SMIM43: variants seen among roughly 807,000 people sequenced by gnomAD.
SMIM43 encodes small integral membrane protein 43.
chr4:121,764,370 C>T (rs370384968), intron 1 of SMIM43: 1 of 152,232 alleles, frequency 6.6e-6, no homozygotes, highest in East Asian at 1.9e-4. Context: ...TCTCTCAAAG[C>T]GCAAAAATAT....
intron 5 of SMIM43, among the ~76,000 whole-genome samples, chr4:121,760,804 C>T (rs917249627): frequency 6.6e-6 from 1 of 152,194 alleles, no homozygotes; most frequent in African/African-American, 2.4e-5. Context: ...ATGGTTTTAG[C>T]TCAAACCCAC....
In SMIM43 at chr4:121,764,846, AATCGAGGCGGAG is replaced by A. The variant is rs1353073463; in HGVS notation, c.*56_*67del. 4 of 397,050 alleles carry A rather than the reference AATCGAGGCGGAG, an allele frequency of 1.0e-5. No homozygotes were observed. Among genetic ancestry groups the A allele is most frequent in the Non-Finnish European group, 1.8e-5 (4 of 225,314 alleles). The allele number at this position is 397,050 out of a possible 1,614,324, so 24.6% of individuals were successfully genotyped here. Reference sequence around the variant, plus strand: ...AAGCTGGGAGGCCGCGAGGACGGAGAATCGAGGCGGAGACCCAGCCCAGCGCCCGCGCAGCTC... The same window carrying A: ...AAGCTGGGAGGCCGCGAGGACGGAGAACCCAGCCCAGCGCCCGCGCAGCTC... On this transcript the variant is annotated 3_prime_UTR_variant, in exon 1 of 6. Transcript: ENST00000643802.
intron 5 of SMIM43, among the ~76,000 whole-genome samples, chr4:121,760,715 T>A (rs1288876095): frequency 6.6e-6 from 1 of 152,228 alleles, no homozygotes; most frequent in African/African-American, 2.4e-5. Flanking sequence ...GGAAAAGACA[T>A]CTTGCTTGAA....
intron 5 of SMIM43, among the ~76,000 whole-genome samples, chr4:121,761,239 G>T (rs1161264200): frequency 6.6e-6 from 1 of 152,088 alleles, no homozygotes; most frequent in Non-Finnish European, 1.5e-5. Flanking sequence ...TGTGGATTTA[G>T]CTTAAATATG....
In SMIM43 at chr4:121,760,301, A is replaced by G. The variant is rs763332634; in HGVS notation, c.*673T>C. ...CTACAAAAACTACATTTCTCAGACA[A>G]TCTTGCAGATAGCAGTAGCCAATGA... On this transcript the variant is annotated 3_prime_UTR_variant, in exon 6 of 6. Transcript: ENST00000643802. 15 of 1,605,392 alleles carry G rather than the reference A, an allele frequency of 9.3e-6. No homozygotes were observed. In the East Asian group the frequency reaches 3.1e-4, roughly 34 times the overall value.
rs1479261001 is a variant in SMIM43, at chr4:121,759,064, T to C, written c.*1910A>G. ...CAAAAATAAAATGACACAGAATAAA[T>C]TGCACAAGAGAACAAAATAATCTCT... On this transcript the variant is annotated 3_prime_UTR_variant, in exon 6 of 6. Transcript: ENST00000643802. The C allele has an allele frequency of 2.6e-5, 4 of 152,172 alleles. No individual in the cohort carries two copies. The highest frequency in any genetic ancestry group is 5.9e-5 in the Non-Finnish European group (4 of 68,026). The allele number at this position is 152,172 out of a possible 1,614,324, so 9.4% of individuals were successfully genotyped here.
chr4:121,763,074 T>G (rs895021183), intron 2 of SMIM43, among the ~76,000 whole-genome samples: 4 of 152,216 alleles, frequency 2.6e-5, no homozygotes, highest in Non-Finnish European at 5.9e-5. Flanking sequence ...AACTGGGAAT[T>G]CAAATCAAGT....
At position 121,758,936 on chromosome 4, in the gene SMIM43, G is replaced by A. The variant is rs1725906752; in HGVS notation, c.*2038C>T. 1 of 152,150 alleles carries A rather than the reference G, an allele frequency of 6.6e-6. No individual in the cohort carries two copies. The highest frequency in any genetic ancestry group is 6.5e-5 in the Admixed American group (1 of 15,280). 9.4% of individuals were successfully genotyped at this position (152,150 alleles called of 1,614,324 possible). A position where few individuals can be genotyped will look rare whatever the true frequency, so the allele number is the denominator to read the frequency against. On this transcript the variant is annotated 3_prime_UTR_variant, in exon 6 of 6. Coordinates refer to ENST00000643802, the MANE Select transcript of SMIM43 (RefSeq NM_001384332.1). ...AATAAAAAGCCACATTAAAAACTGT[G>A]TTACGTATAGTTTATTTTTATTTCA...
chr4:121,763,455 C>T (rs1476710522), intron 2 of SMIM43, among the ~76,000 whole-genome samples: 2 of 152,200 alleles, frequency 1.3e-5, no homozygotes, highest in Non-Finnish European at 2.9e-5. Flanking sequence ...ATCTGCATCA[C>T]ATATTTCACC....
At chr4:121,761,732 T>G in intron 4 of SMIM43, 37 bp from the exon 5 acceptor site, 1 of 1,611,192 alleles carries the variant, frequency 6.2e-7, no homozygotes, top group Non-Finnish European at 8.5e-7. Flanking sequence ...TCTACTTTAT[T>G]AGACATTTTA....
In SMIM43 at chr4:121,760,234, C is replaced by T. The variant is rs1725977614; in HGVS notation, c.*740G>A. The T allele has an allele frequency of 6.5e-7, 1 of 1,534,732 alleles. No homozygotes were observed. Among genetic ancestry groups the T allele is most frequent in the Non-Finnish European group, 8.7e-7 (1 of 1,143,960 alleles). On this transcript the variant is annotated 3_prime_UTR_variant, in exon 6 of 6. Coordinates refer to ENST00000643802, the MANE Select transcript of SMIM43 (RefSeq NM_001384332.1). Reference sequence around the variant, plus strand: ...GATCCACCATCATCTTCTTCTTCATCAAGAGAAACTGGATTTTTGTCAAAG... The same window carrying T: ...GATCCACCATCATCTTCTTCTTCATTAAGAGAAACTGGATTTTTGTCAAAG...
chr4:121,761,125 A>AC (rs1038366448), intron 5 of SMIM43, among the ~76,000 whole-genome samples: 1 of 40,230 alleles, frequency 2.5e-5, no homozygotes, highest in African/African-American at 5.8e-5. Context: ...GATTCAAACA[A>AC]AAAAAAAAAA....
chr4:121,764,074 T>C (rs1275927688), intron 1 of SMIM43: 4 of 152,300 alleles, frequency 2.6e-5, no homozygotes, highest in African/African-American at 9.7e-5. Context: ...CCCTACACTA[T>C]GCAAACAGTA....
chr4:121,764,073 A>T (rs1248612866), intron 1 of SMIM43: 1 of 152,230 alleles, frequency 6.6e-6, no homozygotes, highest in Non-Finnish European at 1.5e-5. Context: ...TCCCTACACT[A>T]TGCAAACAGT....
At chr4:121,765,311 C>A (rs545280566), upstream of SMIM43, 100 of 358,906 alleles carry the variant, frequency 2.8e-4, 1 homozygote, top group Admixed American at 2.7e-3. Context: ...CGCAGACTCT[C>A]CCAGCTGGCA....
In SMIM43 at chr4:121,760,001, A is replaced by G; in HGVS notation, c.*973T>C. On this transcript the variant is annotated 3_prime_UTR_variant, in exon 6 of 6. Transcript: ENST00000643802. ...CTCTAGAAAATCCTGATGTGGGACAAGGATATTGACTGAGAGAGGTCAGCC... is the reference window on the plus strand; with the variant it reads ...CTCTAGAAAATCCTGATGTGGGACAGGGATATTGACTGAGAGAGGTCAGCC... 1 of 218,166 alleles carries G rather than the reference A, an allele frequency of 4.6e-6. No individual in the cohort carries two copies. The highest frequency in any genetic ancestry group is 1.1e-4 in the South Asian group (1 of 8,780). 13.5% of individuals were successfully genotyped at this position (218,166 alleles called of 1,614,324 possible).
chr4:121,763,669 C>T (rs1386591434), intron 2 of SMIM43, 95 bp downstream of exon 2: 1 of 152,090 alleles, frequency 6.6e-6, no homozygotes. Flanking sequence ...GTACCCATTT[C>T]CCCCATCCTG....
At chr4:121,762,104 G>A (rs1726104082) in intron 3 of SMIM43, among the ~76,000 whole-genome samples, 1 of 152,128 alleles carries the variant, frequency 6.6e-6, no homozygotes, top group South Asian at 2.1e-4. Context: ...TATGTTAAAT[G>A]TTCTTGACTT....
chr4:121,760,895 GA>G (rs1560608146), intron 5 of SMIM43, among the ~76,000 whole-genome samples: 1 of 151,886 alleles, frequency 6.6e-6, no homozygotes. Context: ...TACTATTAAG[GA>G]AAAAAACAAG....
Sources: allele counts gnomAD v4.1 joint callset (sites outside exome capture counted in the v4.1 genomes callset), GRCh38; gene constraint gnomAD v4.1.1; transcripts MANE v1.5; gene names NCBI Gene and HGNC (gene_info 2026-07-23, HGNC 2026-07-21).